RANBP17: variants seen among roughly 807,000 people sequenced by gnomAD.
RANBP17 encodes RAN binding protein 17.
Under a neutral mutation model 141.2 loss-of-function variants are expected in RANBP17, and 158 were observed. The ratio of observed to expected loss-of-function variants is 1.12; its 90% CI spans 0.98 to 1.28. The LOEUF (loss-of-function observed/expected upper bound fraction) is 1.28. RANBP17 is among the 50% of genes most tolerant of loss of function. The pLI is 0.00. For missense variants in RANBP17, 1,438 were observed against 1,290.7 expected (o/e 1.11, Z -1.75); for synonymous variants, 430 against 450.0 (o/e 0.96, Z 0.56).
chr5:170,951,773 T>C (rs1295186417), intron 12 of RANBP17, among the ~76,000 whole-genome samples: 1 of 152,078 alleles, frequency 6.6e-6, no homozygotes, highest in African/African-American at 2.4e-5. Context: ...GGCTCATGGA[T>C]TGAAGATTCC....
intron 14 of RANBP17, among the ~76,000 whole-genome samples, chr5:171,093,862 G>A (rs942368617): frequency 6.6e-6 from 1 of 152,214 alleles, no homozygotes; most frequent in African/African-American, 2.4e-5. Flanking sequence ...TTTGTAATTA[G>A]ATAGACCTGG....
chr5:171,137,369 G>A (rs1757355316), intron 14 of RANBP17, among the ~76,000 whole-genome samples: 1 of 152,250 alleles, frequency 6.6e-6, no homozygotes, highest in East Asian at 1.9e-4. Context: ...AGACTGCATG[G>A]TGGGGTAAAT....
chr5:171,129,113 G>T (rs1278567252), intron 14 of RANBP17, among the ~76,000 whole-genome samples: 1 of 152,108 alleles, frequency 6.6e-6, no homozygotes, highest in African/African-American at 2.4e-5. Context: ...AGCCTGCCTG[G>T]TGTCTTAAAG....
chr5:170,906,848 T>G (rs900137751), intron 5 of RANBP17, among the ~76,000 whole-genome samples: 3 of 151,922 alleles, frequency 2.0e-5, no homozygotes, highest in African/African-American at 7.2e-5. Context: ...CACAAGACAG[T>G]CTAAGCTTTT....
chr5:171,164,786 G>A (rs752315667), intron 14 of RANBP17, among the ~76,000 whole-genome samples: 2 of 152,164 alleles, frequency 1.3e-5, no homozygotes, highest in Non-Finnish European at 2.9e-5. Context: ...ACATTGAGAA[G>A]TAGAAAGAAT....
At chr5:171,194,163 G>C (rs1436845704) in intron 18 of RANBP17, among the ~76,000 whole-genome samples, 2 of 152,158 alleles carry the variant, frequency 1.3e-5, no homozygotes, top group African/African-American at 4.8e-5. Context: ...ACATTTCGGA[G>C]GGGGAGCAAA....
rs780346911 is a variant in RANBP17, at chr5:171,183,179, A to G, written c.1878A>G (p.Leu626=). ...LNDLSVGYIL[L]KKLVKIDAVK... is the part of the protein sequence containing the mutation. ...TAACTTCTATTACTTATATCCTTTTAAAAAAACTTGTGAAGATAGATGCTG... is the reference window on the plus strand; with the variant it reads ...TAACTTCTATTACTTATATCCTTTTGAAAAAACTTGTGAAGATAGATGCTG... Residue 626 remains leucine, a synonymous_variant, in exon 17 of 28, where the codon TTA becomes TTG. Transcript: ENST00000523189. 1.9e-6 allele frequency: 3 copies of G among 1,550,606 alleles called. No individual in the cohort carries two copies. The highest frequency in any genetic ancestry group is 3.3e-5 in the Admixed American group (2 of 59,886).
intron 12 of RANBP17, among the ~76,000 whole-genome samples, chr5:170,927,201 G>GACTAT (rs1238370683): frequency 1.3e-5 from 2 of 152,006 alleles, no homozygotes; most frequent in Non-Finnish European, 2.9e-5. Flanking sequence ...TTTCTGTAAG[G>GACTAT]ACTATACCAT....
At chr5:170,881,641 C>G (rs1404326075) in intron 2 of RANBP17, among the ~76,000 whole-genome samples, 165 bp from the exon 3 acceptor site, 1 of 152,064 alleles carries the variant, frequency 6.6e-6, no homozygotes. Flanking sequence ...GTATGTGTAT[C>G]CTTTTCTGTA....
chr5:171,191,792 T>G (rs1228993186), intron 18 of RANBP17, among the ~76,000 whole-genome samples: 1 of 152,230 alleles, frequency 6.6e-6, no homozygotes, highest in Admixed American at 6.5e-5. Context: ...TCATCCACTT[T>G]TACTAAACTA....
chr5:170,923,183 A>G (rs1006651489), intron 11 of RANBP17, among the ~76,000 whole-genome samples: 1 of 152,118 alleles, frequency 6.6e-6, no homozygotes, highest in African/African-American at 2.4e-5. Flanking sequence ...ATTTTTGTAT[A>G]TTACCTGGCA....
chr5:170,999,186 A>G (rs1448192737), intron 14 of RANBP17, among the ~76,000 whole-genome samples: 1 of 152,124 alleles, frequency 6.6e-6, no homozygotes, highest in Non-Finnish European at 1.5e-5. Flanking sequence ...TAGAGCCTAT[A>G]TCAGTGTTTG....
At chr5:170,897,217 TG>T in intron 5 of RANBP17, 2 of 676,816 alleles carry the variant, frequency 3.0e-6, no homozygotes, top group Non-Finnish European at 5.6e-6. Flanking sequence ...ACAAAGTTTT[TG>T]GCAGTCTGTA....
At chr5:171,091,238 G>A (rs535581670) in intron 14 of RANBP17, among the ~76,000 whole-genome samples, 7 of 152,344 alleles carry the variant, frequency 4.6e-5, no homozygotes, top group Admixed American at 1.3e-4. Flanking sequence ...TGGCCTGGAT[G>A]TGAGACATGA....
Position 171,183,448 on chromosome 5 carries a change from A to C in RANBP17, c.2038+18A>C, listed in dbSNP as rs150075974. 2,748 of 1,525,958 alleles carry C rather than the reference A, an allele frequency of 1.8e-3. 6 individuals are homozygous for C. Among genetic ancestry groups the C allele is most frequent in the Non-Finnish European group, 2.3e-3 (2,546 of 1,099,926 alleles). The allele number at this position is 1,525,958 out of a possible 1,614,324, so 94.5% of individuals were successfully genotyped here. On this transcript the variant is annotated intron_variant, in intron 18 of 27. Transcript: ENST00000523189. ...AGATCTGGGTAAGGTTAAGAATTTAAACTCAATTAATAAGGGATCAGCAAT... is the reference window on the plus strand; with the variant it reads ...AGATCTGGGTAAGGTTAAGAATTTACACTCAATTAATAAGGGATCAGCAAT...
chr5:170,974,824 A>T (rs1581281481), intron 14 of RANBP17, among the ~76,000 whole-genome samples: 4 of 152,286 alleles, frequency 2.6e-5, no homozygotes, highest in Middle Eastern at 3.4e-3. Context: ...ATGGAACTGT[A>T]CCTGGGGCAG....
intron 14 of RANBP17, among the ~76,000 whole-genome samples, chr5:170,974,506 C>T (rs1398564027): frequency 1.3e-5 from 2 of 152,152 alleles, no homozygotes; most frequent in Non-Finnish European, 2.9e-5. Context: ...GCTGCTCTCC[C>T]AGGATGGAAT....
At chr5:170,862,387 A>G (rs1470500683) in intron 1 of RANBP17, among the ~76,000 whole-genome samples, 1 of 152,164 alleles carries the variant, frequency 6.6e-6, no homozygotes, top group Non-Finnish European at 1.5e-5. Context: ...TTGCCAGGGC[A>G]GGTGGGAGTC....
intron 19 of RANBP17, among the ~76,000 whole-genome samples, chr5:171,203,388 GT>G (rs1437170871): frequency 6.6e-6 from 1 of 152,072 alleles, no homozygotes; most frequent in African/African-American, 2.4e-5. Flanking sequence ...CTTTAGTGTT[GT>G]TTGTGTATCC....
Sources: gnomAD v4.1 joint callset for allele counts (sites outside exome capture counted in the v4.1 genomes callset) on GRCh38, gnomAD v4.1.1 for gene constraint, MANE v1.5 for transcripts, NCBI Gene and HGNC (gene_info 2026-07-23, HGNC 2026-07-21) for gene names.